The following CFAP299 variants were observed in gnomAD, a reference collection of about 807,000 sequenced individuals.
The protein encoded by CFAP299 is cilia and flagella associated protein 299.
A neutral mutation model predicts 27.0 loss-of-function variants in CFAP299; 21 were observed. The observed-to-expected ratio is 0.78, with a 90% confidence interval of 0.55 to 1.12. The LOEUF is 1.12. Among genes scored for constraint, CFAP299 ranks in the 50% most tolerant of loss-of-function variants. The pLI is 0.00. For missense variants in CFAP299, 310 were observed against 276.6 expected (o/e 1.12, Z -0.86); for synonymous variants, 104 against 98.1 (o/e 1.06, Z -0.36).
At chr4:80,330,787 A>G (rs989896399), upstream of CFAP299, among the ~76,000 whole-genome samples, 1 of 151,352 alleles carries the variant, frequency 6.6e-6, no homozygotes, top group African/African-American at 2.4e-5. Flanking sequence ...GATAGTCCTC[A>G]TACGGATTGT....
At chr4:80,664,341 G>C (rs1741028174) in intron 3 of CFAP299, among the ~76,000 whole-genome samples, 1 of 152,126 alleles carries the variant, frequency 6.6e-6, no homozygotes, top group Non-Finnish European at 1.5e-5. Flanking sequence ...TGCACCCATG[G>C]ATGCCCCTTC....
chr4:80,395,373 G>A (rs1191377261), intron 2 of CFAP299, among the ~76,000 whole-genome samples: 1 of 151,966 alleles, frequency 6.6e-6, no homozygotes, highest in Non-Finnish European at 1.5e-5. Context: ...CTGATTGAAT[G>A]TCTTTTAAAA....
rs183648010 is a variant in CFAP299 at position 80,935,144 on chromosome 4, C to T, written c.477-9666C>T. On this transcript the variant is annotated intron_variant, in intron 4 of 5. Transcript: ENST00000358105. The stretch of plus-strand genomic sequence containing the variant: ...CCTTGACCTGTTGGTTGGTTAGGAA[C>T]GTGGTGTTTGATTTCCACAAAGTTT... Among the ~76,000 whole-genome samples, 617 of 152,052 alleles carry T rather than the reference C, an allele frequency of 4.1e-3. 1 individual carries two copies. The highest frequency in any genetic ancestry group is 0.014 in the Middle Eastern group (4 of 294).
At chr4:80,925,469 A>T (rs1490125117) in intron 4 of CFAP299, among the ~76,000 whole-genome samples, 1 of 151,980 alleles carries the variant, frequency 6.6e-6, no homozygotes, top group African/African-American at 2.4e-5. Flanking sequence ...GAGCAAAAAA[A>T]GATTGCTGAG....
chr4:80,799,663 TTTTATAAATATATA>T (rs1291847563), intron 3 of CFAP299, among the ~76,000 whole-genome samples: 4 of 8,306 alleles, frequency 4.8e-4, no homozygotes, highest in African/African-American at 1.1e-3. Flanking sequence ...ATATATTATA[TTTTATAAATATATA>T]TTTATAAATA....
chr4:80,361,297 G>A (rs1437711931), intron 1 of CFAP299, among the ~76,000 whole-genome samples: 1 of 152,188 alleles, frequency 6.6e-6, no homozygotes, highest in Non-Finnish European at 1.5e-5. Context: ...ATAGCAAATT[G>A]TAAGTAATCT....
At chr4:80,886,444 G>A (rs1578212631) in intron 4 of CFAP299, among the ~76,000 whole-genome samples, 1 of 152,218 alleles carries the variant, frequency 6.6e-6, no homozygotes, top group Non-Finnish European at 1.5e-5. Context: ...TTGAAAGAAA[G>A]TTAGGGAAAA....
At chr4:80,794,604 C>T (rs1319575811) in intron 3 of CFAP299, among the ~76,000 whole-genome samples, 1 of 152,104 alleles carries the variant, frequency 6.6e-6, no homozygotes, top group East Asian at 1.9e-4. Context: ...CCAGTGAATT[C>T]CATGAGCATG....
intron 2 of CFAP299, among the ~76,000 whole-genome samples, chr4:80,552,091 T>C (rs965185058): frequency 6.6e-6 from 1 of 151,846 alleles, no homozygotes; most frequent in Non-Finnish European, 1.5e-5. Context: ...TTATTTAAGA[T>C]AAAAGCATTC....
intron 2 of CFAP299, among the ~76,000 whole-genome samples, chr4:80,504,755 A>G (rs540535880): frequency 1.4e-3 from 202 of 148,150 alleles, no homozygotes; most frequent in African/African-American, 4.6e-3. Flanking sequence ...ATGGGTTGAG[A>G]AGATGGTAGC....
intron 4 of CFAP299, among the ~76,000 whole-genome samples, chr4:80,923,574 A>G (rs1736153249): frequency 6.6e-6 from 1 of 152,020 alleles, no homozygotes; most frequent in South Asian, 2.1e-4. Flanking sequence ...ACATCCTATT[A>G]TATTATGAGC....
chr4:80,869,877 A>C (rs1732978462), intron 3 of CFAP299, 116 bp from the exon 4 acceptor site: 2 of 968,650 alleles, frequency 2.1e-6, no homozygotes, highest in East Asian at 5.1e-5. Flanking sequence ...ACTCTTTCAG[A>C]AGCCCTGCTT....
chr4:80,670,105 A>G (rs1207406636), intron 3 of CFAP299, among the ~76,000 whole-genome samples: 2 of 152,106 alleles, frequency 1.3e-5, no homozygotes, highest in South Asian at 2.1e-4. Context: ...CGTCATTTAC[A>G]TTAGGTATTT....
intron 3 of CFAP299, among the ~76,000 whole-genome samples, chr4:80,780,335 T>C (rs1295217536): frequency 6.6e-6 from 1 of 152,098 alleles, no homozygotes; most frequent in African/African-American, 2.4e-5. Flanking sequence ...CTCTATGCCA[T>C]TGTAAGCTTT....
intron 3 of CFAP299, among the ~76,000 whole-genome samples, chr4:80,688,226 C>G (rs1440490498): frequency 6.6e-6 from 1 of 152,240 alleles, no homozygotes; most frequent in Non-Finnish European, 1.5e-5. Context: ...TAGGCTCCAC[C>G]TCTGGGGGCA....
At chr4:80,484,517 ATTG>A (rs758248839) in intron 2 of CFAP299, among the ~76,000 whole-genome samples, 4 of 152,132 alleles carry the variant, frequency 2.6e-5, no homozygotes, top group Non-Finnish European at 4.4e-5. Flanking sequence ...TCTACTGAAT[ATTG>A]TTAACTTCAG....
intron 3 of CFAP299, among the ~76,000 whole-genome samples, chr4:80,849,700 G>T (rs1731400771): frequency 6.6e-6 from 1 of 152,108 alleles, no homozygotes; most frequent in African/African-American, 2.4e-5. Flanking sequence ...GAGAATTGTG[G>T]TTACCAGAGG....
chr4:80,840,266 G>T (rs1034537385), intron 3 of CFAP299, among the ~76,000 whole-genome samples: 1 of 152,090 alleles, frequency 6.6e-6, no homozygotes, highest in Non-Finnish European at 1.5e-5. Context: ...TACAGCATCA[G>T]CTACTTCTAA....
chr4:80,963,694 C>T lies in CFAP299; in HGVS notation c.*82C>T, dbSNP rs1056091293. Reference sequence around the variant, plus strand: ...GAGCAAATTAGAATAATAAATGAGCCCTGTAGCTGGAAGGCAAATTAGAAC... The same window carrying T: ...GAGCAAATTAGAATAATAAATGAGCTCTGTAGCTGGAAGGCAAATTAGAAC... On this transcript the variant is annotated 3_prime_UTR_variant, in exon 6 of 6. Transcript: ENST00000358105. 2 of 868,940 alleles carry T rather than the reference C, an allele frequency of 2.3e-6. No homozygotes were observed. The highest frequency in any genetic ancestry group is 2.7e-5 in the East Asian group (1 of 37,472). 53.8% of individuals were successfully genotyped at this position (868,940 alleles called of 1,614,324 possible).
Sources: allele counts gnomAD v4.1 joint callset (sites outside exome capture counted in the v4.1 genomes callset), GRCh38; gene constraint gnomAD v4.1.1; transcripts MANE v1.5; gene names NCBI Gene and HGNC (gene_info 2026-07-23, HGNC 2026-07-21).